GUCY1B1: variants seen among roughly 807,000 people sequenced by gnomAD.
The protein encoded by GUCY1B1 is guanylate cyclase soluble subunit beta-1.
In GUCY1B1, 43 loss-of-function variants were observed where a neutral mutation model predicts 71.0. The ratio of observed to expected loss-of-function variants is 0.61; its 90% CI spans 0.47 to 0.78. GUCY1B1 has a LOEUF of 0.78. Among genes scored for constraint, GUCY1B1 ranks in the 30% least tolerant of loss-of-function variants. The probability of loss-of-function intolerance (pLI) is 0.00; values close to 1 mark genes in which losing one functional copy is unlikely to be tolerated. For missense variants in GUCY1B1, 535 were observed against 754.1 expected (o/e 0.71, Z 3.40); for synonymous variants, 266 against 259.7 (o/e 1.02, Z -0.23).
intron 13 of GUCY1B1, among the ~76,000 whole-genome samples, chr4:155,806,035 T>A (rs913672718): frequency 3.9e-5 from 6 of 152,164 alleles, no homozygotes; most frequent in Non-Finnish European, 5.9e-5. Context: ...TCTCTTTTAG[T>A]GTGTATAAAC....
In GUCY1B1 at chr4:155,782,248, T is replaced by A. The variant is rs539755450; in HGVS notation, c.297+4606T>A. Reference sequence around the variant, plus strand: ...CCGCCACCACACCCAGCTGATTTCTTTTTCTTTTATTTTGTATTTTTTAGT... The same window carrying A: ...CCGCCACCACACCCAGCTGATTTCTATTTCTTTTATTTTGTATTTTTTAGT... On this transcript the variant is annotated intron_variant, in intron 4 of 13. Coordinates refer to ENST00000264424, the MANE Select transcript of GUCY1B1 (RefSeq NM_000857.5). 3.0e-3 allele frequency among the ~76,000 whole-genome samples: 455 copies of A among 152,018 alleles called. 4 individuals carry two copies. Among genetic ancestry groups the A allele is most frequent in the South Asian group, 6.6e-3 (32 of 4,822 alleles).
intron 5 of GUCY1B1, among the ~76,000 whole-genome samples, chr4:155,790,945 G>A (rs1452583980): frequency 6.6e-6 from 1 of 151,924 alleles, no homozygotes; most frequent in Non-Finnish European, 1.5e-5. Flanking sequence ...TAGTAATGGC[G>A]GAAACCACGA....
chr4:155,761,049 C>G, intron 2 of GUCY1B1, among the ~76,000 whole-genome samples: 1 of 152,198 alleles, frequency 6.6e-6, no homozygotes, highest in Non-Finnish European at 1.5e-5. Flanking sequence ...TCCCCTGGAT[C>G]TGTATCACTG....
chr4:155,805,076 C>G, intron 12 of GUCY1B1, 27 bp from the exon 13 acceptor site: 1 of 1,600,450 alleles, frequency 6.2e-7, no homozygotes, highest in Non-Finnish European at 8.5e-7. Flanking sequence ...ATACTTCTCT[C>G]TCTACTCCCC....
intron 2 of GUCY1B1, among the ~76,000 whole-genome samples, chr4:155,767,054 C>T (rs1250737884): frequency 1.3e-5 from 2 of 152,116 alleles, no homozygotes; most frequent in African/African-American, 2.4e-5. Flanking sequence ...AGAAAGCCTG[C>T]CTCAAACACT....
intron 4 of GUCY1B1, among the ~76,000 whole-genome samples, chr4:155,781,641 A>C (rs545544750): frequency 6.6e-6 from 1 of 152,092 alleles, no homozygotes; most frequent in African/African-American, 2.4e-5. Flanking sequence ...GATAAATAAA[A>C]TTTATCCTAA....
rs1019870686 is a variant in GUCY1B1, at chr4:155,759,949, C to G, written c.77+89C>G. 4.3e-6 allele frequency: 4 copies of G among 929,400 alleles called. No homozygotes were observed. The African/African-American group carries it at 5.0e-5, about 12-fold the overall frequency. 57.6% of individuals were successfully genotyped at this position (929,400 alleles called of 1,614,324 possible). ...CTCGCCTGGTCCTCAGCCTGCTGGC[C>G]GGGTCGCGGGCGCGCATCCTTGGAG... On this transcript the variant is annotated intron_variant, in intron 2 of 13. Transcript: ENST00000264424.
At chr4:155,780,742 AT>A (rs3839145) in intron 4 of GUCY1B1, among the ~76,000 whole-genome samples, 2 of 151,812 alleles carry the variant, frequency 1.3e-5, no homozygotes, top group Non-Finnish European at 2.9e-5. Context: ...AGATCCTGTA[AT>A]TTTTTTTACG....
At chr4:155,800,922 G>A (rs1739910625) in intron 9 of GUCY1B1, among the ~76,000 whole-genome samples, 1 of 151,998 alleles carries the variant, frequency 6.6e-6, no homozygotes, top group Non-Finnish European at 1.5e-5. Context: ...TTCTGTTCTG[G>A]CTGTTTGTAT....
At chr4:155,786,736 G>T (rs991887518) in intron 4 of GUCY1B1, among the ~76,000 whole-genome samples, 1 of 151,758 alleles carries the variant, frequency 6.6e-6, no homozygotes, top group Non-Finnish European at 1.5e-5. Flanking sequence ...GCCTCCCAAA[G>T]TGCTGGGATT....
intron 3 of GUCY1B1, 29 bp downstream of exon 3, chr4:155,775,097 G>A (rs1367344018): frequency 1.7e-6 from 2 of 1,164,530 alleles, no homozygotes; most frequent in South Asian, 1.2e-5. Context: ...TCCTTCTTTG[G>A]CCAAGTTACA....
At chr4:155,801,803 A>G (rs1288253145) in intron 9 of GUCY1B1, among the ~76,000 whole-genome samples, 1 of 152,192 alleles carries the variant, frequency 6.6e-6, no homozygotes, top group African/African-American at 2.4e-5. Flanking sequence ...TTCTAGACCA[A>G]CTTCCTCTGG....
intron 2 of GUCY1B1, among the ~76,000 whole-genome samples, chr4:155,771,923 A>G (rs557832592): frequency 1.3e-5 from 2 of 152,334 alleles, no homozygotes; most frequent in African/African-American, 2.4e-5. Context: ...TGTTCTATAT[A>G]TAAGTATATT....
Position 155,789,735 on chromosome 4 carries a change from C to T in GUCY1B1, c.319C>T (p.His107Tyr). 6.2e-7 allele frequency: 1 copy of T among 1,604,040 alleles called. No individual in the cohort carries two copies. Among genetic ancestry groups the T allele is most frequent in the Non-Finnish European group, 8.5e-7 (1 of 1,173,466 alleles). The part of the protein sequence containing the change: ...FLQNLDALHD[H>Y]LATIYPGMRA... ...GCAGAACCTTGATGCTCTGCACGAC[C>T]ACCTTGCTACCATCTACCCAGGAAT... The change falls in exon 5 of 14, where the codon CAC becomes TAC. Residue 107 changes from histidine (H) to tyrosine (Y), a missense_variant. His to Tyr is a moderately conservative substitution (Grantham distance 83, BLOSUM62 2). Transcript: ENST00000264424.
Position 155,777,393 on chromosome 4 carries a change from T to C in GUCY1B1, c.179-131T>C, listed in dbSNP as rs1738126342. 4.9e-6 allele frequency: 3 copies of C among 617,126 alleles called. No individual in the cohort carries two copies. The Admixed American group carries it at 8.5e-5, about 17-fold the overall frequency. 38.2% of individuals were successfully genotyped at this position (617,126 alleles called of 1,614,324 possible). On this transcript the variant is annotated intron_variant, in intron 3 of 13. Coordinates refer to ENST00000264424, the MANE Select transcript of GUCY1B1 (RefSeq NM_000857.5). ...TTGTCCTGGCGGGATTTTTTTCATA[T>C]GATCTATGCTTGCCATGCACAAAAA... is the stretch of plus-strand genomic sequence containing the variant.
chr4:155,791,199 C>A (rs1487804336), intron 5 of GUCY1B1, among the ~76,000 whole-genome samples: 15 of 151,342 alleles, frequency 9.9e-5, no homozygotes, highest in East Asian at 2.0e-4. Context: ...ACTGCAAGCT[C>A]CACCTCCCGG....
intron 4 of GUCY1B1, among the ~76,000 whole-genome samples, chr4:155,781,619 G>A (rs1391537365): frequency 6.6e-6 from 1 of 151,502 alleles, no homozygotes; most frequent in Non-Finnish European, 1.5e-5. Flanking sequence ...ATAATATTTA[G>A]GATATATTTA....
chr4:155,794,699 A>T (rs1739428497), intron 6 of GUCY1B1, among the ~76,000 whole-genome samples: 1 of 152,184 alleles, frequency 6.6e-6, no homozygotes, highest in Non-Finnish European at 1.5e-5. Context: ...GCTTGTAATT[A>T]AAGAGACTTG....
chr4:155,803,528 G>T (rs1740098770), intron 10 of GUCY1B1, 96 bp from the exon 11 acceptor site: 2 of 789,548 alleles, frequency 2.5e-6, no homozygotes, highest in Non-Finnish European at 3.6e-6. Context: ...GCTTAAAGTT[G>T]CTGGTAGACT....
Sources: allele counts gnomAD v4.1 joint callset (sites outside exome capture counted in the v4.1 genomes callset), GRCh38; gene constraint gnomAD v4.1.1; transcripts MANE v1.5; gene names NCBI Gene and HGNC (gene_info 2026-07-23, HGNC 2026-07-21).